ADAM23: variants seen among roughly 807,000 people sequenced by gnomAD.
ADAM23 encodes the protein disintegrin and metalloproteinase domain-containing protein 23.
Under a neutral mutation model 120.1 loss-of-function variants are expected in ADAM23, and 33 were observed. That is an observed-to-expected ratio of 0.27 (90% CI 0.21 to 0.37). ADAM23 has a LOEUF of 0.37. ADAM23 is among the 10% of genes least tolerant of loss of function. The pLI, the probability that ADAM23 is intolerant of heterozygous loss-of-function variation, is 1.00. For missense variants in ADAM23, 862 were observed against 1,058.2 expected (o/e 0.81, Z 2.57); for synonymous variants, 367 against 375.2 (o/e 0.98, Z 0.25).
chr2:206,470,369 C>A (rs1695630572), intron 2 of ADAM23, among the ~76,000 whole-genome samples: 1 of 152,062 alleles, frequency 6.6e-6, no homozygotes, highest in African/African-American at 2.4e-5. Flanking sequence ...TGAGACCTAT[C>A]ATTTGCGTAT....
intron 5 of ADAM23, among the ~76,000 whole-genome samples, chr2:206,542,576 TA>T (rs1697314084): frequency 6.6e-6 from 1 of 152,092 alleles, no homozygotes; most frequent in Non-Finnish European, 1.5e-5. Context: ...CACATTGACC[TA>T]GGGGTGGGCT....
chr2:206,466,807 G>T (rs72933236), intron 2 of ADAM23, among the ~76,000 whole-genome samples: 7,180 of 152,268 alleles, frequency 0.047, 239 homozygotes, highest in Middle Eastern at 0.12. Context: ...TGCGATGCCA[G>T]CTCCAAGGGG....
At position 206,594,856 on chromosome 2, in the gene ADAM23, T is replaced by C. The variant is rs1483656937; in HGVS notation, c.2198T>C (p.Met733Thr). 4.3e-6 allele frequency: 7 copies of C among 1,614,012 alleles called. No homozygotes were observed. Among genetic ancestry groups the C allele is most frequent in the Non-Finnish European group, 5.9e-6 (7 of 1,180,008 alleles). The change falls in exon 23 of 26, where the codon ATG becomes ACG. Residue 733 changes from methionine (M) to threonine (T), a missense_variant. This residue lies in a region of ADAM23 where 617 missense variants were observed against 813.5 expected (regional missense o/e 0.76). Coordinates refer to ENST00000264377, the MANE Select transcript of ADAM23 (RefSeq NM_003812.4). ...TGCCTACAAATTCAAGCCCTAAATA[T>C]GAGCAGCTGTCCACTCGATTCCAAG... is the stretch of plus-strand genomic sequence containing the variant. ...RKCLQIQALNMSSCPLDSKGK... is the reference protein window; with the variant it reads ...RKCLQIQALNTSSCPLDSKGK...
chr2:206,594,278 A>G (rs930086356), intron 22 of ADAM23, among the ~76,000 whole-genome samples: 13 of 152,156 alleles, frequency 8.5e-5, no homozygotes, highest in South Asian at 2.1e-4. Flanking sequence ...ATGTTTTTCA[A>G]TTATGGATAA....
chr2:206,564,904 T>G (rs1697847020), intron 13 of ADAM23, 116 bp from the exon 14 acceptor site: 1 of 1,102,122 alleles, frequency 9.1e-7, no homozygotes, highest in Admixed American at 1.9e-5. Flanking sequence ...CCGTGTCTAT[T>G]TGACTGACAT....
At chr2:206,564,881 A>G (rs1397117906) in intron 13 of ADAM23, 139 bp from the exon 14 acceptor site, 1 of 850,416 alleles carries the variant, frequency 1.2e-6, no homozygotes. Flanking sequence ...TTTGTTCTGT[A>G]AGACTTCACA....
At chr2:206,467,043 C>A (rs1695555346) in intron 2 of ADAM23, among the ~76,000 whole-genome samples, 1 of 152,186 alleles carries the variant, frequency 6.6e-6, no homozygotes, top group African/African-American at 2.4e-5. Context: ...CCATGGAAAA[C>A]CGCTTGCGTG....
At chr2:206,538,229 G>A (rs1021053180) in intron 4 of ADAM23, among the ~76,000 whole-genome samples, 3 of 152,060 alleles carry the variant, frequency 2.0e-5, no homozygotes, top group African/African-American at 7.2e-5. Context: ...AATAATTTGT[G>A]TGTTGGGAGT....
At chr2:206,597,759 T>A (rs1474546474) in intron 24 of ADAM23, among the ~76,000 whole-genome samples, 1 of 152,200 alleles carries the variant, frequency 6.6e-6, no homozygotes, top group Non-Finnish European at 1.5e-5. Flanking sequence ...GCATATAGGA[T>A]TAGTACCATT....
intron 9 of ADAM23, among the ~76,000 whole-genome samples, chr2:206,553,060 A>C (rs1270705632): frequency 6.6e-6 from 1 of 152,090 alleles, no homozygotes; most frequent in Admixed American, 6.6e-5. Flanking sequence ...TGTACTGATA[A>C]ATTTAGAGGG....
intron 3 of ADAM23, among the ~76,000 whole-genome samples, chr2:206,502,850 G>C (rs148540393): frequency 5.9e-5 from 9 of 152,236 alleles, no homozygotes; most frequent in South Asian, 2.1e-4. Context: ...TTAAAGGTCT[G>C]TCTGTAAACC....
At chr2:206,530,002 G>T (rs1410982071) in intron 3 of ADAM23, among the ~76,000 whole-genome samples, 1 of 152,030 alleles carries the variant, frequency 6.6e-6, no homozygotes, top group Non-Finnish European at 1.5e-5. Flanking sequence ...GTAGAGATGG[G>T]GTTTCACCAT....
chr2:206,612,778 G>A (rs2105866834), intron 25 of ADAM23, among the ~76,000 whole-genome samples: 1 of 152,260 alleles, frequency 6.6e-6, no homozygotes, highest in East Asian at 1.9e-4. Context: ...GTGGTAAAAA[G>A]CATGAAAATG....
At chr2:206,567,172 G>T (rs1023689260) in intron 14 of ADAM23, 51 bp from the exon 15 acceptor site, 6 of 1,403,902 alleles carry the variant, frequency 4.3e-6, no homozygotes, top group Non-Finnish European at 6.0e-6. Flanking sequence ...TTTCTTCTCT[G>T]ATGATTGCTT....
Position 206,536,737 on chromosome 2 carries a change from A to G in ADAM23, c.574-5315A>G, listed in dbSNP as rs541059291. Among the ~76,000 whole-genome samples, 7 of 151,750 alleles carry G rather than the reference A, an allele frequency of 4.6e-5. No homozygotes were observed. The South Asian group carries it at 6.2e-4, about 14-fold the overall frequency. ...ACTTTTTTTTTTGAGACAGTGTCTC[A>G]CTCTGTTGTTCAGGCTGGAGTGCAG... On this transcript the variant is annotated intron_variant, in intron 4 of 25. Transcript: ENST00000264377.
intron 24 of ADAM23, among the ~76,000 whole-genome samples, chr2:206,598,992 G>C (rs1698584408): frequency 6.6e-6 from 1 of 151,584 alleles, no homozygotes; most frequent in Admixed American, 6.6e-5. Context: ...ATCACCTGGG[G>C]TCAGGAGTTT....
rs199976489 is a variant in ADAM23, at chr2:206,543,227, C to T, written c.657-26C>T. ...CATTTCCTGTGTTTGTTTATTCCCT[C>T]CTTTGTGTGGTTTCTTTTGTGCTAG... On this transcript the variant is annotated intron_variant, in intron 5 of 25. Transcript: ENST00000264377. The T allele has an allele frequency of 2.6e-5, 42 of 1,609,344 alleles. No individual in the cohort carries two copies. In the Middle Eastern group the frequency reaches 1.7e-3, roughly 67 times the overall value.
At chr2:206,486,179 A>C (rs1315059267) in intron 3 of ADAM23, among the ~76,000 whole-genome samples, 1 of 152,138 alleles carries the variant, frequency 6.6e-6, no homozygotes, top group South Asian at 2.1e-4. Flanking sequence ...TATTTTATTT[A>C]GCCCCAAAGG....
At chr2:206,518,382 A>G (rs989290059) in intron 3 of ADAM23, among the ~76,000 whole-genome samples, 1 of 152,190 alleles carries the variant, frequency 6.6e-6, no homozygotes, top group Non-Finnish European at 1.5e-5. Context: ...TCTAATCACT[A>G]TTTTATACAT....
Sources: gnomAD v4.1 joint callset for allele counts (sites outside exome capture counted in the v4.1 genomes callset) on GRCh38, gnomAD v4.1.1 for gene constraint, gnomAD v4.1.1 regional missense constraint, MANE v1.5 for transcripts, NCBI Gene and HGNC (gene_info 2026-07-23, HGNC 2026-07-21) for gene names.